SPTBN5: variants seen among roughly 807,000 people sequenced by gnomAD.
SPTBN5 encodes spectrin beta, non-erythrocytic 5.
SPTBN5 carries 513 observed loss-of-function variants against 477.6 expected under a neutral mutation model. The ratio of observed to expected loss-of-function variants is 1.07; its 90% CI spans 1.00 to 1.16. The LOEUF is 1.16. Ranked by LOEUF, SPTBN5 falls within the 50% of genes most tolerant of loss-of-function variation. The pLI is 0.00. For missense variants in SPTBN5, 5,062 were observed against 4,731.8 expected (o/e 1.07, Z -2.05); for synonymous variants, 2,169 against 2,011.7 (o/e 1.08, Z -2.09).
At chr15:41,876,764 G>A (rs1206220936) in intron 19 of SPTBN5, 45 bp downstream of exon 19, 4 of 1,608,276 alleles carry the variant, frequency 2.5e-6, no homozygotes, top group South Asian at 1.1e-5. Context: ...TGTGCAGGCT[G>A]AGAAAGGGTC....
intron 39 of SPTBN5, among the ~76,000 whole-genome samples, chr15:41,864,460 C>T (rs1367714418): frequency 6.6e-6 from 1 of 152,208 alleles, no homozygotes; most frequent in Non-Finnish European, 1.5e-5. Context: ...ACTACAGGTG[C>T]CTGCCACCAA....
chr15:41,872,402 C>A lies in SPTBN5; in HGVS notation c.5065G>T (p.Ala1689Ser). ...WSSMEELDQTAQTLTGPEVPE... is the reference protein window; with the variant it reads ...WSSMEELDQTSQTLTGPEVPE... Reference sequence around the variant, plus strand: ...ACTTCGGGGCCAGTGAGGGTTTGGGCCGTCTGGTCAAGCTCCTCCATGGAG... The same window carrying A: ...ACTTCGGGGCCAGTGAGGGTTTGGGACGTCTGGTCAAGCTCCTCCATGGAG... The change falls in exon 27 of 68, where the codon GCC becomes TCC. Residue 1689 changes from alanine to serine, a missense_variant. Ala to Ser is a moderately conservative substitution (Grantham distance 99). Coordinates refer to ENST00000320955, the MANE Select transcript of SPTBN5 (RefSeq NM_016642.4). 6.2e-7 allele frequency: 1 copy of A among 1,600,844 alleles called. No homozygotes were observed. Among genetic ancestry groups the A allele is most frequent in the African/African-American group, 1.3e-5 (1 of 74,796 alleles).
At chr15:41,888,563 C>T (rs1443002392) in intron 4 of SPTBN5, among the ~76,000 whole-genome samples, 1 of 152,216 alleles carries the variant, frequency 6.6e-6, no homozygotes, top group Admixed American at 6.5e-5. Context: ...CAGGTTCAAG[C>T]AATTCTCCTG....
intron 7 of SPTBN5, among the ~76,000 whole-genome samples, 196 bp from the exon 8 acceptor site, chr15:41,883,682 G>A (rs750613671): frequency 2.6e-5 from 4 of 152,216 alleles, no homozygotes; most frequent in Non-Finnish European, 4.4e-5. Context: ...CACATGCAGA[G>A]AAGCCAGAAG....
In SPTBN5 at chr15:41,850,896, C is replaced by T; in HGVS notation, c.10879G>A (p.Glu3627Lys). 6.2e-7 allele frequency: 1 copy of T among 1,604,476 alleles called. No individual in the cohort carries two copies. The highest frequency in any genetic ancestry group is 8.5e-7 in the Non-Finnish European group (1 of 1,176,288). ...AEILFAAPSEEQAESWWRALG... is the reference protein window; with the variant it reads ...AEILFAAPSEKQAESWWRALG... ...GCTCGCCACCAGCTCTCAGCCTGCTCTTCGGACGGTGCTGCAAACAGGATC... is the reference window on the plus strand; with the variant it reads ...GCTCGCCACCAGCTCTCAGCCTGCTTTTCGGACGGTGCTGCAAACAGGATC... The change falls in exon 66 of 68, where the codon GAG (glutamate) becomes AAG (lysine). Residue 3627 changes from glutamate (E) to lysine (K), a missense_variant. Transcript: ENST00000320955.
intron 63 of SPTBN5, 126 bp downstream of exon 63, chr15:41,851,653 C>T (rs1174422713): frequency 4.2e-6 from 3 of 722,114 alleles, no homozygotes; most frequent in Non-Finnish European, 7.1e-6. Flanking sequence ...GCCTGGACAG[C>T]ATGGTGGGGG....
intron 53 of SPTBN5, among the ~76,000 whole-genome samples, chr15:41,856,034 T>G (rs1314897551): frequency 6.6e-6 from 1 of 152,284 alleles, no homozygotes; most frequent in Admixed American, 6.5e-5. Context: ...AAATATTCCT[T>G]GCAGTGTTTC....
At position 41,862,274 on chromosome 15, in the gene SPTBN5, G is replaced by C. The variant is rs1330850563; in HGVS notation, c.7404C>G (p.Ala2468=). 6.2e-7 allele frequency: 1 copy of C among 1,605,470 alleles called. No individual in the cohort carries two copies. Among genetic ancestry groups the C allele is most frequent in the African/African-American group, 1.3e-5 (1 of 74,790 alleles). The change falls in exon 44 of 68, where the codon GCC becomes GCG. Residue 2468 remains alanine (A), a synonymous_variant. Transcript: ENST00000320955. ...RAQKRREALD[A]LHQAQKLQAM... is the part of the protein sequence containing the mutation. ...CCTGGAGTTTCTGAGCTTGGTGCAA[G>C]GCATCCAGCGCCTCCCTCCTGCCCA...
intron 29 of SPTBN5, among the ~76,000 whole-genome samples, 187 bp downstream of exon 29, chr15:41,871,188 C>T (rs2066521459): frequency 6.6e-6 from 1 of 152,270 alleles, no homozygotes; most frequent in Non-Finnish European, 1.5e-5. Context: ...CCCAGCCTCA[C>T]CTTCCTTCAC....
intron 52 of SPTBN5, 83 bp from the exon 53 acceptor site, chr15:41,856,681 C>G: frequency 7.1e-7 from 1 of 1,409,918 alleles, no homozygotes; most frequent in Non-Finnish European, 9.5e-7. Context: ...TCACGGGACC[C>G]CACTAACTTG....
At chr15:41,880,393 C>T (rs1207281000) in intron 13 of SPTBN5, 81 bp from the exon 14 acceptor site, 3 of 1,422,720 alleles carry the variant, frequency 2.1e-6, no homozygotes, top group Admixed American at 2.6e-5. Flanking sequence ...GGGTGCTCCT[C>T]CCCATCCCAG....
At chr15:41,889,317 T>C (rs755993523) in intron 4 of SPTBN5, among the ~76,000 whole-genome samples, 27 of 152,348 alleles carry the variant, frequency 1.8e-4, no homozygotes, top group Non-Finnish European at 8.8e-5. Context: ...CTTCTTTTCA[T>C]GAGGGTTTCA....
intron 46 of SPTBN5, among the ~76,000 whole-genome samples, 160 bp downstream of exon 46, chr15:41,861,259 C>T (rs1055433429): frequency 3.9e-5 from 6 of 152,224 alleles, no homozygotes; most frequent in South Asian, 4.1e-4. Context: ...CTCTAGATGA[C>T]GGGTAAGTAA....
intron 52 of SPTBN5, 92 bp downstream of exon 52, chr15:41,856,761 A>T (rs1595448523): frequency 1.0e-5 from 14 of 1,395,770 alleles, no homozygotes; most frequent in Non-Finnish European, 1.2e-5. Context: ...CCACAGGCAG[A>T]GAGTTCCTGG....
rs570661815 is a variant in SPTBN5, at chr15:41,850,850, C to G, written c.10921+4G>C. ...CCTCCCCGCATCCTTCCCCTGAAGC[C>G]CACCTGCAGTGCTGCCCAGGGCTCG... On this transcript the variant is annotated splice_donor_region_variant and intron_variant, in intron 66 of 67. Coordinates refer to ENST00000320955, the MANE Select transcript of SPTBN5 (RefSeq NM_016642.4). 10 of 1,591,316 alleles carry G rather than the reference C, an allele frequency of 6.3e-6. 1 individual carries two copies. In the South Asian group the frequency reaches 6.9e-5, roughly 11 times the overall value.
Position 41,863,778 on chromosome 15 carries a change from G to T in SPTBN5, c.7075C>A (p.Gln2359Lys), listed in dbSNP as rs771472520. The change falls in exon 41 of 68, where the codon CAG (glutamine) becomes AAG (lysine). Residue 2359 changes from glutamine to lysine, a missense_variant. Gln to Lys is a moderately conservative substitution (Grantham distance 53). Transcript: ENST00000320955. Reference protein sequence around the residue: ...FHGNLLRYQQQLEGALEIHVL... With the variant: ...FHGNLLRYQQKLEGALEIHVL... Reference sequence around the variant, plus strand: ...TGTATCTCCAAGGCCCCTTCGAGCTGCTGCTGGTACCGGAGCAAGTTGCCA... The same window carrying T: ...TGTATCTCCAAGGCCCCTTCGAGCTTCTGCTGGTACCGGAGCAAGTTGCCA... 1.2e-6 allele frequency: 2 copies of T among 1,613,838 alleles called. No homozygotes were observed. The highest frequency in any genetic ancestry group is 4.5e-5 in the East Asian group (2 of 44,884).
Position 41,870,514 on chromosome 15 carries a change from C to T in SPTBN5, c.5494G>A (p.Ala1832Thr), listed in dbSNP as rs774268935. ...AGGGTGGTCTCGGTGTCTCGGAGCG[C>T]GTGGCCTCGGGCCTGGGTCAGCTCC... ...LWELTQARGH[A>T]LRDTETTLRV... The change falls in exon 30 of 68, where the codon GCG (alanine) becomes ACG (threonine). Residue 1832 changes from alanine to threonine, a missense_variant. Transcript: ENST00000320955. 4.1e-5 allele frequency: 66 copies of T among 1,612,198 alleles called. No homozygotes were observed. The highest frequency in any genetic ancestry group is 5.2e-5 in the Non-Finnish European group (61 of 1,179,748).
rs2067008731 is a variant in SPTBN5 at position 41,882,625 on chromosome 15, C to G, written c.2006G>C (p.Arg669Pro). The G allele has an allele frequency of 6.2e-7, 1 of 1,606,754 alleles. No individual in the cohort carries two copies. Among genetic ancestry groups the G allele is most frequent in the Non-Finnish European group, 8.5e-7 (1 of 1,177,562 alleles). Residue 669 changes from arginine to proline, a missense_variant, in exon 10 of 68, where the codon CGG becomes CCG. Coordinates refer to ENST00000320955, the MANE Select transcript of SPTBN5 (RefSeq NM_016642.4). The part of the protein sequence containing the change: ...GQRVGNAALG[R>P]DLSQIAGALQ... ...GGCGCCTGCGATCTGGCTGAGATCCCGGCCCAGGGCCGCATTCCCCACCCG... is the reference window on the plus strand; with the variant it reads ...GGCGCCTGCGATCTGGCTGAGATCCGGGCCCAGGGCCGCATTCCCCACCCG...
At position 41,870,442 on chromosome 15, in the gene SPTBN5, A is replaced by C; in HGVS notation, c.5562+4T>G. On this transcript the variant is annotated splice_donor_region_variant and intron_variant, in intron 30 of 67. Coordinates refer to ENST00000320955, the MANE Select transcript of SPTBN5 (RefSeq NM_016642.4). ...CCACTTCTAGCCACCCCTCCGGCTC[A>C]CACCTGGACCTGGGTGAGGACTTCC... is the stretch of plus-strand genomic sequence containing the variant. The C allele has an allele frequency of 3.7e-6, 6 of 1,613,408 alleles. No individual in the cohort carries two copies. Among genetic ancestry groups the C allele is most frequent in the Non-Finnish European group, 5.1e-6 (6 of 1,179,690 alleles).
Sources: gnomAD v4.1 joint callset for allele counts (sites outside exome capture counted in the v4.1 genomes callset) on GRCh38, gnomAD v4.1.1 for gene constraint, MANE v1.5 for transcripts, NCBI Gene and HGNC (gene_info 2026-07-23, HGNC 2026-07-21) for gene names.